Variants in CAMK4 observed in about 807,000 individuals in gnomAD.
CAMK4 encodes calcium/calmodulin dependent protein kinase IV.
Under a neutral mutation model 44.9 loss-of-function variants are expected in CAMK4, and 22 were observed. That is an observed-to-expected ratio of 0.49 (90% CI 0.35 to 0.70). CAMK4 has a LOEUF of 0.70. CAMK4 is among the 30% of genes least tolerant of loss of function. The probability of loss-of-function intolerance (pLI) is 0.01; values close to 1 mark genes in which losing one functional copy is unlikely to be tolerated. For missense variants in CAMK4, 498 were observed against 586.8 expected, an observed-to-expected ratio of 0.85 and a Z score of 1.56; for synonymous variants, 218 against 215.4, an observed-to-expected ratio of 1.01 and a Z score of -0.11.
rs75806769 is a variant in CAMK4, at chr5:111,376,966, C to T, written c.386+24C>T. The T allele has an allele frequency of 1.6e-3, 2,441 of 1,487,242 alleles. 34 individuals carry two copies. In the African/African-American group the frequency reaches 0.024, roughly 15 times the overall value. 92.1% of individuals were successfully genotyped at this position (1,487,242 alleles called of 1,614,324 possible). On this transcript the variant is annotated intron_variant, in intron 4 of 10. Transcript: ENST00000282356. ...AGGTGAGTTGGTTCTGGAAATATAA[C>T]CACAGAAAGGTTTGCTTTTGGCCAC...
intron 2 of CAMK4, among the ~76,000 whole-genome samples, chr5:111,355,659 C>A (rs1332373633): frequency 5.2e-5 from 6 of 115,196 alleles, no homozygotes; most frequent in East Asian, 2.6e-4. Flanking sequence ...CCCCTCCCCA[C>A]ACCCCACAAC....
At position 111,486,542 on chromosome 5, in the gene CAMK4, C is replaced by CAT. The variant is rs139004418; in HGVS notation, c.*2076_*2077insAT. ...ACACACACACACACACACACACACA[C>CAT]GTGTTGGAAGAGCAAAGAGAGGGAA... On this transcript the variant is annotated 3_prime_UTR_variant, in exon 11 of 11. Coordinates refer to ENST00000282356, the MANE Select transcript of CAMK4 (RefSeq NM_001744.6). 5,629 of 147,274 alleles carry CAT rather than the reference C, an allele frequency of 0.038. 238 individuals are homozygous for CAT. The highest frequency in any genetic ancestry group is 0.082 in the African/African-American group (3,287 of 39,850). The allele number at this position is 147,274 out of a possible 1,614,324, so 9.1% of individuals were successfully genotyped here.
chr5:111,283,147 A>C (rs544138928), intron 1 of CAMK4: 1 of 152,364 alleles, frequency 6.6e-6, no homozygotes, highest in East Asian at 1.9e-4. Flanking sequence ...ATTGTAAACC[A>C]GGGACTGTCT....
intron 5 of CAMK4, among the ~76,000 whole-genome samples, chr5:111,421,701 A>T (rs144141717): frequency 6.6e-6 from 1 of 152,170 alleles, no homozygotes; most frequent in East Asian, 1.9e-4. Context: ...TATATTCCCC[A>T]AGTTTTTTCA....
At chr5:111,467,946 ACAC>A (rs1754904964) in intron 7 of CAMK4, among the ~76,000 whole-genome samples, 1 of 151,138 alleles carries the variant, frequency 6.6e-6, no homozygotes, top group Non-Finnish European at 1.5e-5. Flanking sequence ...ACACACACAC[ACAC>A]ACACACACAC....
intron 5 of CAMK4, among the ~76,000 whole-genome samples, chr5:111,431,685 T>C (rs547633632): frequency 2.3e-4 from 35 of 151,990 alleles, no homozygotes; most frequent in Non-Finnish European, 4.4e-4. Context: ...AATAATCTGA[T>C]GAAAAATAGG....
At chr5:111,364,119 GT>G (rs1750700649) in intron 2 of CAMK4, among the ~76,000 whole-genome samples, 2 of 152,106 alleles carry the variant, frequency 1.3e-5, no homozygotes, top group Non-Finnish European at 2.9e-5. Flanking sequence ...CAATAGAGAG[GT>G]TTTCTGTGAA....
At chr5:111,292,767 A>T (rs1747326889) in intron 1 of CAMK4, among the ~76,000 whole-genome samples, 1 of 152,044 alleles carries the variant, frequency 6.6e-6, no homozygotes, top group African/African-American at 2.4e-5. Flanking sequence ...AACAATAATA[A>T]CAAAAAAGAA....
chr5:111,442,035 A>G (rs559665085), intron 5 of CAMK4, among the ~76,000 whole-genome samples: 1 of 151,868 alleles, frequency 6.6e-6, no homozygotes, highest in African/African-American at 2.4e-5. Flanking sequence ...CAGTTTTAAA[A>G]TAAAGGGAAG....
chr5:111,283,189 C>A (rs749002952), intron 1 of CAMK4, among the ~76,000 whole-genome samples: 2 of 152,174 alleles, frequency 1.3e-5, no homozygotes, highest in Non-Finnish European at 2.9e-5. Context: ...ATATTTGACT[C>A]TTTAGTATTT....
chr5:111,238,547 GTT>G (rs60032548), intron 1 of CAMK4, among the ~76,000 whole-genome samples: 196 of 144,214 alleles, frequency 1.4e-3, no homozygotes, highest in Non-Finnish European at 1.9e-3. Flanking sequence ...TGAAAAAAAT[GTT>G]TTTTTTTTTT....
chr5:111,486,942 G>A lies in CAMK4; in HGVS notation c.*2476G>A, dbSNP rs1413936884. 6.6e-5 allele frequency: 10 copies of A among 152,062 alleles called. No homozygotes were observed. The highest frequency in any genetic ancestry group is 5.9e-4 in the Admixed American group (9 of 15,258). 9.4% of individuals were successfully genotyped at this position (152,062 alleles called of 1,614,324 possible). A position where few individuals can be genotyped will look rare whatever the true frequency, so the allele number is the denominator to read the frequency against. On this transcript the variant is annotated 3_prime_UTR_variant, in exon 11 of 11. Transcript: ENST00000282356. ...TGACTATATAGTGACTAATTTCATTGTTTCAGTAGGAAACAAATCAAACTT... is the reference window on the plus strand; with the variant it reads ...TGACTATATAGTGACTAATTTCATTATTTCAGTAGGAAACAAATCAAACTT...
chr5:111,405,728 G>A (rs1434054652), intron 5 of CAMK4, among the ~76,000 whole-genome samples: 1 of 152,158 alleles, frequency 6.6e-6, no homozygotes, highest in African/African-American at 2.4e-5. Flanking sequence ...CAGATGAAGA[G>A]GTCCTGAGGG....
chr5:111,321,057 T>C (rs1259444700), intron 1 of CAMK4, among the ~76,000 whole-genome samples: 1 of 152,176 alleles, frequency 6.6e-6, no homozygotes, highest in East Asian at 1.9e-4. Context: ...TAAGCTCTAA[T>C]AATTGATAAT....
intron 1 of CAMK4, among the ~76,000 whole-genome samples, chr5:111,303,705 G>C (rs953848997): frequency 4.7e-5 from 7 of 147,868 alleles, no homozygotes; most frequent in African/African-American, 1.8e-4. Context: ...CCCCAATCTA[G>C]CAAGGCAGGC....
chr5:111,344,677 A>C (rs901077656), intron 2 of CAMK4, among the ~76,000 whole-genome samples: 1 of 151,720 alleles, frequency 6.6e-6, no homozygotes, highest in Non-Finnish European at 1.5e-5. Context: ...GTACTTGGAA[A>C]AAAAGGAAGG....
At position 111,389,286 on chromosome 5, in the gene CAMK4, G is replaced by T. The variant is rs116491568; in HGVS notation, c.387-5424G>T. The stretch of plus-strand genomic sequence containing the variant: ...CTTCATGACAGAATCACCTCCCAAA[G>T]GCCCCACCTCCTAATAACATCACAT... On this transcript the variant is annotated intron_variant, in intron 4 of 10. Transcript: ENST00000282356. Among the ~76,000 whole-genome samples, 264 of 152,204 alleles carry T rather than the reference G, an allele frequency of 1.7e-3. 2 individuals are homozygous for T. The highest frequency in any genetic ancestry group is 6.2e-3 in the African/African-American group (256 of 41,524).
intron 7 of CAMK4, among the ~76,000 whole-genome samples, chr5:111,463,940 C>T (rs1208493812): frequency 1.3e-5 from 2 of 151,992 alleles, no homozygotes; most frequent in African/African-American, 4.8e-5. Context: ...AAGGTTCTTT[C>T]ACACTCTCAA....
At chr5:111,469,528 T>C (rs528667026) in intron 7 of CAMK4, among the ~76,000 whole-genome samples, 1 of 152,260 alleles carries the variant, frequency 6.6e-6, no homozygotes, top group South Asian at 2.1e-4. Flanking sequence ...ACTCCCTGTA[T>C]AGTGGATCCA....
Sources: allele counts gnomAD v4.1 joint callset (sites outside exome capture counted in the v4.1 genomes callset), GRCh38; gene constraint gnomAD v4.1.1; transcripts MANE v1.5; gene names NCBI Gene and HGNC (gene_info 2026-07-23, HGNC 2026-07-21).